SIPA1L2: variants seen among roughly 807,000 people sequenced by gnomAD.
SIPA1L2 encodes the protein signal-induced proliferation-associated 1-like protein 2.
SIPA1L2 carries 56 observed loss-of-function variants against 163.9 expected under a neutral mutation model. The ratio of observed to expected loss-of-function variants is 0.34; its 90% CI spans 0.28 to 0.43. The LOEUF (loss-of-function observed/expected upper bound fraction) is 0.43. SIPA1L2 is among the 20% of genes least tolerant of loss of function. The pLI, the probability that SIPA1L2 is intolerant of heterozygous loss-of-function variation, is 1.00. For missense variants in SIPA1L2, 1,974 were observed against 2,193.5 expected (o/e 0.90, Z 2.00); for synonymous variants, 877 against 865.7 (o/e 1.01, Z -0.23).
At chr1:232,495,406 A>G (rs1338171558) in intron 3 of SIPA1L2, among the ~76,000 whole-genome samples, 1 of 152,064 alleles carries the variant, frequency 6.6e-6, no homozygotes, top group Non-Finnish European at 1.5e-5. Context: ...TACTAAAAAT[A>G]CAAAAAAAAT....
At chr1:232,415,800 C>T in intron 18 of SIPA1L2, 175 bp from the exon 19 acceptor site, 1 of 597,070 alleles carries the variant, frequency 1.7e-6, no homozygotes, top group Non-Finnish European at 2.8e-6. Flanking sequence ...CTCCCAGAGT[C>T]AGTCAGTCAG....
chr1:232,521,893 T>C (rs1257357522), intron 2 of SIPA1L2, among the ~76,000 whole-genome samples: 1 of 152,092 alleles, frequency 6.6e-6, no homozygotes, highest in Non-Finnish European at 1.5e-5. Context: ...TAAATCCTTA[T>C]CCACAAGTCC....
chr1:232,464,967 C>T lies in SIPA1L2; in HGVS notation c.2693G>A (p.Arg898Lys). Residue 898 changes from arginine to lysine, a missense_variant, in exon 9 of 23, where the codon AGG (arginine) becomes AAG (lysine). Transcript: ENST00000674635. Reference protein sequence around the residue: ...SKNVVFNCSCRDVIGWTSGLV... With the variant: ...SKNVVFNCSCKDVIGWTSGLV... ...TCCAGATGTCCACCCAATCACATCC[C>T]TGCAGGAACAGTTGAATACAACATT... 6.2e-7 allele frequency: 1 copy of T among 1,614,206 alleles called. No homozygotes were observed. Among genetic ancestry groups the T allele is most frequent in the Non-Finnish European group, 8.5e-7 (1 of 1,180,042 alleles).
At chr1:232,546,638 A>G (rs1041499103) in intron 2 of SIPA1L2, among the ~76,000 whole-genome samples, 2 of 152,246 alleles carry the variant, frequency 1.3e-5, no homozygotes, top group African/African-American at 4.8e-5. Context: ...TAATGAACAC[A>G]GTTCATTCCG....
chr1:232,543,660 G>A (rs1313989259), intron 2 of SIPA1L2, among the ~76,000 whole-genome samples: 1 of 152,216 alleles, frequency 6.6e-6, no homozygotes, highest in Admixed American at 6.5e-5. Flanking sequence ...CCTGAGGCCA[G>A]GAGTTGAAGC....
chr1:232,449,325 T>C (rs1214315809), intron 10 of SIPA1L2, among the ~76,000 whole-genome samples: 2 of 151,118 alleles, frequency 1.3e-5, no homozygotes, highest in Non-Finnish European at 3.0e-5. Flanking sequence ...GAGACCATCC[T>C]GGCTAACATG....
At chr1:232,574,249 A>T (rs1429452456) in intron 1 of SIPA1L2, among the ~76,000 whole-genome samples, 27 bp from the exon 2 acceptor site, 5 of 152,236 alleles carry the variant, frequency 3.3e-5, no homozygotes, top group African/African-American at 1.2e-4. Flanking sequence ...AGACCCATTC[A>T]GACTCCCAGA....
At chr1:232,448,180 A>G (rs1170784781) in intron 10 of SIPA1L2, among the ~76,000 whole-genome samples, 2 of 152,232 alleles carry the variant, frequency 1.3e-5, no homozygotes, top group Non-Finnish European at 2.9e-5. Context: ...GGCTATGCCT[A>G]AGGTTCCCAC....
At chr1:232,466,367 T>G (rs895362155) in intron 8 of SIPA1L2, among the ~76,000 whole-genome samples, 1 of 152,182 alleles carries the variant, frequency 6.6e-6, no homozygotes. Flanking sequence ...AGAGATCAAA[T>G]GCATAGTGTT....
intron 10 of SIPA1L2, among the ~76,000 whole-genome samples, chr1:232,449,998 T>C (rs1426310756): frequency 6.6e-6 from 1 of 152,206 alleles, no homozygotes; most frequent in African/African-American, 2.4e-5. Flanking sequence ...ATCCTAACTT[T>C]TGGCTTGGGA....
chr1:232,614,812 AAG>A (rs1168325405), intron 1 of SIPA1L2, among the ~76,000 whole-genome samples: 2 of 152,228 alleles, frequency 1.3e-5, no homozygotes, highest in African/African-American at 4.8e-5. Context: ...TATTTTAACC[AAG>A]AGTTTTCTGC....
At chr1:232,549,081 C>T (rs789663) in intron 2 of SIPA1L2, among the ~76,000 whole-genome samples, 40,560 of 152,116 alleles carry the variant, frequency 0.27, 5,637 homozygotes, top group Middle Eastern at 0.35. Context: ...AGGATTTGCA[C>T]ACCAAAAGGG....
intron 15 of SIPA1L2, among the ~76,000 whole-genome samples, chr1:232,435,528 A>T (rs1461690785): frequency 6.6e-6 from 1 of 152,194 alleles, no homozygotes; most frequent in Admixed American, 6.5e-5. Flanking sequence ...TATACTGCTG[A>T]CGTCCAGTCA....
At chr1:232,563,758 A>G (rs1414451127) in intron 2 of SIPA1L2, among the ~76,000 whole-genome samples, 1 of 152,262 alleles carries the variant, frequency 6.6e-6, no homozygotes, top group Admixed American at 6.5e-5. Context: ...TCTGTTGCCC[A>G]GGCTGGAGTG....
At chr1:232,541,926 G>A (rs988935626) in intron 2 of SIPA1L2, among the ~76,000 whole-genome samples, 1 of 116,638 alleles carries the variant, frequency 8.6e-6, no homozygotes, top group South Asian at 2.7e-4. Context: ...ATCTTGGGCT[G>A]AGCCTTAAAT....
At chr1:232,536,556 A>C (rs1657318496) in intron 2 of SIPA1L2, among the ~76,000 whole-genome samples, 1 of 152,184 alleles carries the variant, frequency 6.6e-6, no homozygotes, top group African/African-American at 2.4e-5. Flanking sequence ...AGCCCACCAA[A>C]TAAAGAAGCC....
intron 17 of SIPA1L2, among the ~76,000 whole-genome samples, chr1:232,426,466 C>A (rs2102815777): frequency 1.3e-5 from 2 of 152,244 alleles, no homozygotes; most frequent in East Asian, 3.9e-4. Flanking sequence ...CAAGACCATT[C>A]TGGCTAACAT....
chr1:232,461,041 A>G lies in SIPA1L2; in HGVS notation c.2941T>C (p.Trp981Arg). 1 of 1,614,288 alleles carries G rather than the reference A, an allele frequency of 6.2e-7. No individual in the cohort carries two copies. The highest frequency in any genetic ancestry group is 8.5e-7 in the Non-Finnish European group (1 of 1,180,054). Residue 981 changes from tryptophan to arginine, a missense_variant, in exon 10 of 23, where the codon TGG becomes CGG. Transcript: ENST00000674635. ...VADVEPFGFA[W>R]KAGLRQGSRL... is the part of the protein sequence containing the mutation. ...CTCCCTTGGCGAAGGCCAGCCTTCCAGGCAAAGCCAAAAGGTTCCACATCT... is the reference window on the plus strand; with the variant it reads ...CTCCCTTGGCGAAGGCCAGCCTTCCGGGCAAAGCCAAAAGGTTCCACATCT...
intron 1 of SIPA1L2, among the ~76,000 whole-genome samples, chr1:232,586,470 C>T (rs1372971135): frequency 1.3e-5 from 2 of 152,164 alleles, no homozygotes; most frequent in African/African-American, 2.4e-5. Context: ...AAAGACCGAA[C>T]GACTCCAACC....
Sources: gnomAD v4.1 joint callset for allele counts (sites outside exome capture counted in the v4.1 genomes callset) on GRCh38, gnomAD v4.1.1 for gene constraint, MANE v1.5 for transcripts, NCBI Gene and HGNC (gene_info 2026-07-23, HGNC 2026-07-21) for gene names.